RORB: variants seen among roughly 807,000 people sequenced by gnomAD.
RORB encodes nuclear receptor ROR-beta.
In RORB, 6 loss-of-function variants were observed where a neutral mutation model predicts 59.1. The ratio of observed to expected loss-of-function variants is 0.10; its 90% CI spans 0.06 to 0.20. The LOEUF (loss-of-function observed/expected upper bound fraction) is 0.20, where lower values mean the gene tolerates loss of function less well. Ranked by LOEUF, RORB falls within the 10% of genes least tolerant of loss-of-function variation. The probability of loss-of-function intolerance (pLI) is 1.00; values close to 1 mark genes in which losing one functional copy is unlikely to be tolerated. For missense variants in RORB, 320 were observed against 560.5 expected (o/e 0.57, Z 4.33); for synonymous variants, 215 against 204.5 (o/e 1.05, Z -0.44).
chr9:74,677,543 T>A (rs1323228166), intron 9 of RORB, among the ~76,000 whole-genome samples: 3 of 152,350 alleles, frequency 2.0e-5, no homozygotes, highest in African/African-American at 7.2e-5. Context: ...AGTTTTAGGT[T>A]ACATCTGTAG....
At chr9:74,658,874 C>T (rs766468340) in intron 4 of RORB, among the ~76,000 whole-genome samples, 1 of 152,132 alleles carries the variant, frequency 6.6e-6, no homozygotes, top group Non-Finnish European at 1.5e-5. Context: ...TTTGTAATAT[C>T]ATAAGCAGTG....
chr9:74,509,682 T>C (rs1167421499), intron 1 of RORB, among the ~76,000 whole-genome samples: 1 of 152,086 alleles, frequency 6.6e-6, no homozygotes, highest in Non-Finnish European at 1.5e-5. Flanking sequence ...TTTATCCACC[T>C]GATCTTAATT....
At position 74,498,002 on chromosome 9, in the gene RORB, A is replaced by G; in HGVS notation, c.7+19A>G. ...ATGCGAGGTAAGCGAGTCTGCGGGC[A>G]CCGAGGCTCCCCGAGTCCGGCCAAC... On this transcript the variant is annotated intron_variant, in intron 1 of 9. Transcript: ENST00000376896. The G allele has an allele frequency of 6.2e-7, 1 of 1,608,868 alleles. No homozygotes were observed. The highest frequency in any genetic ancestry group is 1.3e-5 in the African/African-American group (1 of 75,032).
At chr9:74,672,953 T>C (rs1314702813) in intron 9 of RORB, among the ~76,000 whole-genome samples, 2 of 152,190 alleles carry the variant, frequency 1.3e-5, no homozygotes, top group African/African-American at 2.4e-5. Flanking sequence ...ACCATCAGAT[T>C]TTACTTTGCA....
intron 9 of RORB, among the ~76,000 whole-genome samples, chr9:74,674,863 T>A (rs1339382389): frequency 1.3e-5 from 2 of 152,192 alleles, no homozygotes; most frequent in Non-Finnish European, 2.9e-5. Context: ...TAGATGAGTG[T>A]CCCTGGACAT....
chr9:74,603,326 C>A (rs1587380424), intron 1 of RORB, among the ~76,000 whole-genome samples: 1 of 152,300 alleles, frequency 6.6e-6, no homozygotes, highest in Non-Finnish European at 1.5e-5. Context: ...CAGTAGCAAC[C>A]ACCATCTTCT....
intron 1 of RORB, among the ~76,000 whole-genome samples, chr9:74,525,354 C>A (rs1225177858): frequency 6.6e-6 from 1 of 151,890 alleles, no homozygotes; most frequent in Admixed American, 6.6e-5. Context: ...TGGGAGAAGT[C>A]ATGTTCCCAA....
intron 1 of RORB, among the ~76,000 whole-genome samples, chr9:74,571,048 T>C (rs1160872397): frequency 6.6e-6 from 1 of 151,864 alleles, no homozygotes; most frequent in African/African-American, 2.4e-5. Flanking sequence ...GAAAATAATT[T>C]AACCTATGGA....
rs138315014 is a variant in RORB at position 74,535,016 on chromosome 9, C to A, written c.7+37033C>A. 8.7e-3 allele frequency among the ~76,000 whole-genome samples: 1,325 copies of A among 152,146 alleles called. 10 individuals are homozygous for A. The highest frequency in any genetic ancestry group is 0.014 in the Non-Finnish European group (925 of 67,990). On this transcript the variant is annotated intron_variant, in intron 1 of 9. Transcript: ENST00000376896. ...TCACCTCTCCATATAGATCAGCGGGCTCTGTAACCAGTCAGTCACGCATAA... is the reference window on the plus strand; with the variant it reads ...TCACCTCTCCATATAGATCAGCGGGATCTGTAACCAGTCAGTCACGCATAA...
chr9:74,616,461 G>GA (rs1403974922), intron 1 of RORB, among the ~76,000 whole-genome samples: 8 of 151,792 alleles, frequency 5.3e-5, no homozygotes, highest in Admixed American at 3.3e-4. Flanking sequence ...GTATTTGTAG[G>GA]AAAAAAAGTA....
chr9:74,547,357 T>TAGAGA (rs1054889825), intron 1 of RORB, among the ~76,000 whole-genome samples: 2 of 151,960 alleles, frequency 1.3e-5, no homozygotes, highest in African/African-American at 4.8e-5. Context: ...GATTTAGAGC[T>TAGAGA]AGAGAAGAGG....
At chr9:74,679,122 C>A (rs1023006067) in intron 9 of RORB, among the ~76,000 whole-genome samples, 1 of 151,638 alleles carries the variant, frequency 6.6e-6, no homozygotes, top group African/African-American at 2.4e-5. Flanking sequence ...GAATTCCTAG[C>A]AGGTGGGACT....
At chr9:74,631,985 A>G (rs1226123813) in intron 2 of RORB, among the ~76,000 whole-genome samples, 1 of 152,186 alleles carries the variant, frequency 6.6e-6, no homozygotes. Flanking sequence ...CTACCATTCT[A>G]TTGGCTTGTT....
At chr9:74,510,022 A>G (rs1825914459) in intron 1 of RORB, among the ~76,000 whole-genome samples, 2 of 152,128 alleles carry the variant, frequency 1.3e-5, no homozygotes, top group Non-Finnish European at 2.9e-5. Context: ...AATGAAGTTA[A>G]TTTGCAATTC....
chr9:74,591,958 CAG>C lies in RORB; in HGVS notation c.8-38307_8-38306del, dbSNP rs374600755. On this transcript the variant is annotated intron_variant, in intron 1 of 9. Coordinates refer to ENST00000376896, the MANE Select transcript of RORB (RefSeq NM_006914.4). ...TGTGTGAGAGTGAGAGAGAGAGAGA[CAG>C]AGAGAGAGAGAGAGAGGATGATTGC... 9.8e-3 allele frequency among the ~76,000 whole-genome samples: 1,453 copies of C among 147,570 alleles called. 11 individuals carry two copies. Among genetic ancestry groups the C allele is most frequent in the East Asian group, 0.016 (83 of 5,102 alleles).
chr9:74,589,368 C>G (rs899514644), intron 1 of RORB, among the ~76,000 whole-genome samples: 3 of 152,114 alleles, frequency 2.0e-5, no homozygotes, highest in Non-Finnish European at 2.9e-5. Flanking sequence ...CCTCTCTCCC[C>G]CAACACACAA....
intron 1 of RORB, among the ~76,000 whole-genome samples, chr9:74,568,982 CATA>C (rs775302179): frequency 1.3e-5 from 2 of 151,884 alleles, no homozygotes; most frequent in Non-Finnish European, 2.9e-5. Flanking sequence ...TCTAAGAAAA[CATA>C]ATATGTTTAG....
chr9:74,605,742 T>A (rs1823138629), intron 1 of RORB, among the ~76,000 whole-genome samples: 1 of 152,214 alleles, frequency 6.6e-6, no homozygotes, highest in South Asian at 2.1e-4. Context: ...AGTCTATATA[T>A]TGTGCACGTG....
rs76045860 is a variant in RORB at position 74,551,311 on chromosome 9, T to G, written c.7+53328T>G. 4.8e-3 allele frequency among the ~76,000 whole-genome samples: 726 copies of G among 152,298 alleles called. 8 individuals are homozygous for G. The highest frequency in any genetic ancestry group is 0.017 in the African/African-American group (704 of 41,560). Reference sequence around the variant, plus strand: ...GCACTTTATGGCTTCTTTTGGCATATGTAAATCGCCAGCAAATGCACTGGG... The same window carrying G: ...GCACTTTATGGCTTCTTTTGGCATAGGTAAATCGCCAGCAAATGCACTGGG... On this transcript the variant is annotated intron_variant, in intron 1 of 9. Transcript: ENST00000376896.
Sources: gnomAD v4.1 joint callset for allele counts (sites outside exome capture counted in the v4.1 genomes callset) on GRCh38, gnomAD v4.1.1 for gene constraint, MANE v1.5 for transcripts, NCBI Gene and HGNC (gene_info 2026-07-23, HGNC 2026-07-21) for gene names.